The following RABGAP1L variants were observed in gnomAD, a reference collection of about 807,000 sequenced individuals.
RABGAP1L encodes RAB GTPase activating protein 1 like.
A neutral mutation model predicts 137.7 loss-of-function variants in RABGAP1L; 63 were observed. The observed-to-expected ratio is 0.46, with a 90% CI of 0.37 to 0.56. The LOEUF (loss-of-function observed/expected upper bound fraction) is 0.56, where lower values mean the gene tolerates loss of function less well. Among genes scored for constraint, RABGAP1L ranks in the 20% least tolerant of loss-of-function variants. The pLI is 0.00. For synonymous variants in RABGAP1L, 431 were observed against 433.7 expected (o/e 0.99, Z 0.08); for missense variants, 1,095 against 1,244.0 (o/e 0.88, Z 1.80).
chr1:174,437,720 A>G (rs1571806699), intron 13 of RABGAP1L, among the ~76,000 whole-genome samples: 2 of 152,110 alleles, frequency 1.3e-5, no homozygotes, highest in African/African-American at 2.4e-5. Context: ...TACAGAGAAA[A>G]CCACAAAGAT....
chr1:174,510,363 G>A (rs1662220430), intron 13 of RABGAP1L, among the ~76,000 whole-genome samples: 1 of 152,104 alleles, frequency 6.6e-6, no homozygotes, highest in African/African-American at 2.4e-5. Context: ...GTCACACGTA[G>A]CAGGTACTCA....
intron 18 of RABGAP1L, among the ~76,000 whole-genome samples, chr1:174,753,750 A>T (rs1411316086): frequency 1.3e-5 from 2 of 152,236 alleles, no homozygotes; most frequent in Admixed American, 6.5e-5. Context: ...CTAAGCATTG[A>T]AAGTATATGT....
At chr1:174,176,741 A>AAAAAAAAAATAAAAATAAAAT (rs755688394) in intron 1 of RABGAP1L, among the ~76,000 whole-genome samples, 1 of 111,778 alleles carries the variant, frequency 8.9e-6, no homozygotes, top group African/African-American at 3.6e-5. Flanking sequence ...AAAAAAAAAA[A>AAAAAAAAAATAAAAATAAAAT]AAAAAGGTCA....
chr1:174,368,599 C>G (rs1684844129), intron 11 of RABGAP1L, among the ~76,000 whole-genome samples: 1 of 151,980 alleles, frequency 6.6e-6, no homozygotes, highest in South Asian at 2.1e-4. Context: ...ATATTGTGAC[C>G]TGTACTGTGT....
Position 174,978,658 on chromosome 1 carries a change from A to C in RABGAP1L, c.2650-149A>C, listed in dbSNP as rs144933098. ...TGGAGATGATTGACTTTTTCAGATT[A>C]TCAAGATGCAGCTTCCATGAAGATA... is the stretch of plus-strand genomic sequence containing the variant. On this transcript the variant is annotated intron_variant, in intron 22 of 25. Coordinates refer to ENST00000681986, the MANE Select transcript of RABGAP1L (RefSeq NM_001366446.1). 0.013 allele frequency: 13,089 copies of C among 974,104 alleles called. 104 individuals carry two copies. The highest frequency in any genetic ancestry group is 0.016 in the Non-Finnish European group (11,407 of 726,046). The allele number at this position is 974,104 out of a possible 1,614,324, so 60.3% of individuals were successfully genotyped here. A position where few individuals can be genotyped will look rare whatever the true frequency, so the allele number is the denominator to read the frequency against.
intron 19 of RABGAP1L, among the ~76,000 whole-genome samples, chr1:174,871,248 C>T (rs1558171921): frequency 1.3e-5 from 2 of 152,082 alleles, no homozygotes; most frequent in Non-Finnish European, 2.9e-5. Context: ...ATTCTCCTGC[C>T]TCAGGCTGCT....
intron 18 of RABGAP1L, among the ~76,000 whole-genome samples, chr1:174,776,711 TG>T: frequency 6.6e-6 from 1 of 152,212 alleles, no homozygotes; most frequent in Admixed American, 6.5e-5. Flanking sequence ...TCCATTTTAA[TG>T]GTGGTTACCC....
At chr1:174,716,071 C>A (rs1680977969) in intron 17 of RABGAP1L, among the ~76,000 whole-genome samples, 1 of 152,222 alleles carries the variant, frequency 6.6e-6, no homozygotes, top group Non-Finnish European at 1.5e-5. Flanking sequence ...ACTTATAATA[C>A]ATAATACATT....
At chr1:174,986,332 A>ATT (rs1449204524) in intron 24 of RABGAP1L, among the ~76,000 whole-genome samples, 1 of 152,342 alleles carries the variant, frequency 6.6e-6, no homozygotes, top group East Asian at 1.9e-4. Flanking sequence ...GATGCAGGAT[A>ATT]TAAAGGCCTC....
intron 11 of RABGAP1L, among the ~76,000 whole-genome samples, chr1:174,354,534 A>G (rs1219388116): frequency 6.6e-6 from 1 of 152,198 alleles, no homozygotes; most frequent in African/African-American, 2.4e-5. Flanking sequence ...ATTCAAATAG[A>G]TATTCCTAAG....
chr1:174,315,941 TG>T (rs1679338680), intron 11 of RABGAP1L, among the ~76,000 whole-genome samples: 1 of 152,184 alleles, frequency 6.6e-6, no homozygotes, highest in Admixed American at 6.5e-5. Flanking sequence ...TTTTTCTTTT[TG>T]GCTTCTCTGA....
chr1:174,670,546 A>G (rs1677096554), intron 14 of RABGAP1L, among the ~76,000 whole-genome samples: 1 of 152,062 alleles, frequency 6.6e-6, no homozygotes, highest in African/African-American at 2.4e-5. Flanking sequence ...GCATTCTCCC[A>G]ACAACTACCC....
chr1:174,415,858 G>A (rs1322019010), intron 13 of RABGAP1L, among the ~76,000 whole-genome samples: 1 of 151,646 alleles, frequency 6.6e-6, no homozygotes, highest in African/African-American at 2.4e-5. Flanking sequence ...GGTGATTCTG[G>A]TATGTTCACA....
rs375841265 is a variant in RABGAP1L, at chr1:174,683,646, T to G, written c.1899+50T>G. On this transcript the variant is annotated intron_variant, in intron 15 of 25. Transcript: ENST00000681986. ...TAGCACAGTGCTGCCAAGTTTATTT[T>G]ACTTTCTACTGGCTTTGTTCTTCCT... 1.1e-5 allele frequency: 15 copies of G among 1,376,768 alleles called. No individual in the cohort carries two copies. In the African/African-American group the frequency reaches 1.7e-4, roughly 16 times the overall value. 85.3% of individuals were successfully genotyped at this position (1,376,768 alleles called of 1,614,324 possible).
rs544742304 is a variant in RABGAP1L, at chr1:174,832,515, T to C, written c.2340+20555T>C. 1.8e-4 allele frequency among the ~76,000 whole-genome samples: 27 copies of C among 147,834 alleles called. 4 individuals carry two copies. The South Asian group carries it at 5.6e-3, about 31-fold the overall frequency. ...TAGATGAACTGCGCCCAAAAACAGA[T>C]CCAAAGATATCCTTCCCCACAGAGA... On this transcript the variant is annotated intron_variant, in intron 19 of 25. Transcript: ENST00000681986.
In RABGAP1L at chr1:174,589,460, T is replaced by G. The variant is rs968254288; in HGVS notation, c.1711-47915T>G. Among the ~76,000 whole-genome samples the G allele has an allele frequency of 1.8e-4, 28 of 152,186 alleles. 1 individual carries two copies. The highest frequency in any genetic ancestry group is 1.6e-3 in the Admixed American group (24 of 15,266). On this transcript the variant is annotated intron_variant, in intron 13 of 25. Coordinates refer to ENST00000681986, the MANE Select transcript of RABGAP1L (RefSeq NM_001366446.1). ...GAAGAAGCTTTTTAACTTGTTAACT[T>G]GATATGATCTCATTTGTCCATTTTT...
At chr1:174,257,350 A>G (rs1446926700) in intron 7 of RABGAP1L, among the ~76,000 whole-genome samples, 1 of 152,226 alleles carries the variant, frequency 6.6e-6, no homozygotes, top group African/African-American at 2.4e-5. Flanking sequence ...AAGGAATGCA[A>G]TCCTTCCTTT....
intron 18 of RABGAP1L, 92 bp from the exon 19 acceptor site, chr1:174,811,740 G>C: frequency 8.0e-7 from 1 of 1,252,752 alleles, no homozygotes. Context: ...AGCTATAAAA[G>C]TATATTCAAG....
At chr1:174,598,176 A>G (rs1670116385) in intron 13 of RABGAP1L, among the ~76,000 whole-genome samples, 1 of 152,064 alleles carries the variant, frequency 6.6e-6, no homozygotes, top group Non-Finnish European at 1.5e-5. Flanking sequence ...TAAAATACAA[A>G]AATTAGCTGG....
Sources: gnomAD v4.1 joint callset for allele counts (sites outside exome capture counted in the v4.1 genomes callset) on GRCh38, gnomAD v4.1.1 for gene constraint, MANE v1.5 for transcripts, NCBI Gene and HGNC (gene_info 2026-07-23, HGNC 2026-07-21) for gene names.